Variants in TEX264 observed in about 807,000 individuals in gnomAD.
TEX264 encodes the protein testis-expressed protein 264.
Under a neutral mutation model 23.4 loss-of-function variants are expected in TEX264, and 13 were observed. The ratio of observed to expected loss-of-function variants is 0.56; its 90% CI spans 0.36 to 0.88. The LOEUF (loss-of-function observed/expected upper bound fraction) is 0.88. TEX264 is among the 40% of genes least tolerant of loss of function. TEX264 has a pLI of 0.01. For missense variants in TEX264, 340 were observed against 406.8 expected (o/e 0.84, Z 1.41); for synonymous variants, 159 against 170.0 (o/e 0.94, Z 0.50).
intron 4 of TEX264, among the ~76,000 whole-genome samples, chr3:51,700,205 G>A (rs1359369188): frequency 1.3e-5 from 2 of 152,134 alleles, no homozygotes; most frequent in Admixed American, 1.3e-4. Flanking sequence ...CTGTGACCCC[G>A]GGCTGTCTCA....
At chr3:51,680,586 A>G (rs1277117235) in intron 2 of TEX264, among the ~76,000 whole-genome samples, 1 of 152,174 alleles carries the variant, frequency 6.6e-6, no homozygotes, top group Non-Finnish European at 1.5e-5. Flanking sequence ...CACATCCTGG[A>G]TGGGCTTGTC....
At chr3:51,688,638 T>C (rs1702710727) in intron 3 of TEX264, among the ~76,000 whole-genome samples, 1 of 152,150 alleles carries the variant, frequency 6.6e-6, no homozygotes, top group African/African-American at 2.4e-5. Context: ...TACAGGGCAT[T>C]GTTCATGTAG....
In TEX264 at chr3:51,704,109, G is replaced by A; in HGVS notation, c.*93G>A. 8.3e-7 allele frequency: 1 copy of A among 1,206,056 alleles called. No homozygotes were observed. The highest frequency in any genetic ancestry group is 1.1e-6 in the Non-Finnish European group (1 of 937,460). The allele number at this position is 1,206,056 out of a possible 1,614,324, so 74.7% of individuals were successfully genotyped here. A position where few individuals can be genotyped will look rare whatever the true frequency, so the allele number is the denominator to read the frequency against. Reference sequence around the variant, plus strand: ...AGCCCTCTTCCTCCTTCCTCTGGGGGAGGAGGGGTTCCTGAGGGACCTGAC... The same window carrying A: ...AGCCCTCTTCCTCCTTCCTCTGGGGAAGGAGGGGTTCCTGAGGGACCTGAC... On this transcript the variant is annotated 3_prime_UTR_variant, in exon 5 of 5. Transcript: ENST00000341333.
chr3:51,697,187 T>C (rs989920551), intron 3 of TEX264, among the ~76,000 whole-genome samples: 4 of 152,200 alleles, frequency 2.6e-5, no homozygotes, highest in African/African-American at 9.6e-5. Context: ...AGGAAGCAGA[T>C]GCGCAGAACA....
intron 3 of TEX264, among the ~76,000 whole-genome samples, chr3:51,687,114 G>C (rs1454241701): frequency 6.6e-6 from 1 of 152,210 alleles, no homozygotes; most frequent in African/African-American, 2.4e-5. Context: ...CCAGTGATAT[G>C]GGGGAGAGCA....
intron 2 of TEX264, among the ~76,000 whole-genome samples, chr3:51,678,651 TC>T (rs748383308): frequency 2.0e-5 from 3 of 152,200 alleles, no homozygotes; most frequent in Admixed American, 6.5e-5. Context: ...AAGCCCCCTT[TC>T]CCTTAGTCCA....
chr3:51,699,188 G>T (rs1376063507), intron 3 of TEX264, among the ~76,000 whole-genome samples: 1 of 152,142 alleles, frequency 6.6e-6, no homozygotes. Flanking sequence ...TGTCGTCCTG[G>T]GTCTTCAGAC....
At chr3:51,699,623 TC>T (rs777843426) in intron 4 of TEX264, 49 bp downstream of exon 4, 1 of 1,597,182 alleles carries the variant, frequency 6.3e-7, no homozygotes, top group East Asian at 2.2e-5. Context: ...GCTCCTCTCT[TC>T]TGGACTCCAG....
chr3:51,685,652 A>C (rs1702597067), intron 3 of TEX264, among the ~76,000 whole-genome samples: 1 of 152,224 alleles, frequency 6.6e-6, no homozygotes, highest in African/African-American at 2.4e-5. Context: ...CAGTGTTCCA[A>C]CCAGGAAAAT....
At chr3:51,677,067 C>T (rs1194614689) in intron 2 of TEX264, among the ~76,000 whole-genome samples, 1 of 152,176 alleles carries the variant, frequency 6.6e-6, no homozygotes, top group African/African-American at 2.4e-5. Flanking sequence ...AACCATGGAC[C>T]CCCAGGCTTC....
chr3:51,674,699 T>C, intron 2 of TEX264, 137 bp downstream of exon 2: 1 of 1,018,162 alleles, frequency 9.8e-7, no homozygotes, highest in Non-Finnish European at 1.4e-6. Flanking sequence ...CTCTATGAGC[T>C]TGAAGCACCT....
chr3:51,703,846 C>CGCAGCGAGCACAGCT lies in TEX264; in HGVS notation c.773_787dup (p.Ser262_Tyr263insCysSerGluHisSer), dbSNP rs1559686703. 3.1e-6 allele frequency: 5 copies of CGCAGCGAGCACAGCT among 1,612,930 alleles called. No homozygotes were observed. The highest frequency in any genetic ancestry group is 4.2e-6 in the Non-Finnish European group (5 of 1,179,412). ...CCGTGGCTGGGATGACGGTGACACC[C>CGCAGCGAGCACAGCT]GCAGCGAGCACAGCTACAGCGAGTC... On this transcript the variant is annotated inframe_insertion, in exon 5 of 5. Coordinates refer to ENST00000341333, the MANE Select transcript of TEX264 (RefSeq NM_015926.6). The surrounding 1 kb of genome is among the most constrained non-coding windows in gnomAD (Gnocchi z 4.8).
Position 51,703,804 on chromosome 3 carries a change from T to C in TEX264, c.730T>C (p.Ser244Pro). ...CCGGGAGACTTCAGCTGCCACACTG[T>C]CACCTGGGGCGAGCAGCCGTGGCTG... is the stretch of plus-strand genomic sequence containing the variant. The part of the protein sequence containing the change: ...GSRETSAATL[S>P]PGASSRGWDD... The change falls in exon 5 of 5, where the codon TCA becomes CCA. Residue 244 changes from serine to proline, a missense_variant. By Grantham distance (74) the Ser-to-Pro change is moderately conservative. Transcript: ENST00000341333. The surrounding 1 kb of genome is among the most constrained non-coding windows in gnomAD (Gnocchi z 4.8). The C allele has an allele frequency of 6.2e-7, 1 of 1,610,418 alleles. No homozygotes were observed. Among genetic ancestry groups the C allele is most frequent in the Non-Finnish European group, 8.5e-7 (1 of 1,177,112 alleles).
intron 2 of TEX264, among the ~76,000 whole-genome samples, chr3:51,675,423 G>A (rs1403386535): frequency 6.6e-6 from 1 of 152,182 alleles, no homozygotes; most frequent in Non-Finnish European, 1.5e-5. Flanking sequence ...GAGCTCAAGT[G>A]CACAAGTCCT....
At chr3:51,694,256 G>A (rs79854958) in intron 3 of TEX264, among the ~76,000 whole-genome samples, 10,322 of 151,898 alleles carry the variant, frequency 0.068, 908 homozygotes, top group East Asian at 0.33. Context: ...TCAGCCTCCC[G>A]GGTAGCTGGG....
chr3:51,675,937 G>A, intron 2 of TEX264, among the ~76,000 whole-genome samples: 1 of 152,176 alleles, frequency 6.6e-6, no homozygotes, highest in East Asian at 1.9e-4. Flanking sequence ...GTTTTAGGAA[G>A]TTAGCTGAAG....
rs112973088 is a variant in TEX264, at chr3:51,699,051, T to A, written c.481-355T>A. 6.2e-3 allele frequency among the ~76,000 whole-genome samples: 946 copies of A among 152,080 alleles called. 7 individuals carry two copies. The highest frequency in any genetic ancestry group is 0.021 in the African/African-American group (891 of 41,486). ...GGCACATGGGGTCCCTATCCTGGGG[T>A]GGTCCAGGGGTGCCAAGCTTCATGG... On this transcript the variant is annotated intron_variant, in intron 3 of 4. Transcript: ENST00000341333.
At chr3:51,693,983 TTTCTTTCCTTCC>T (rs1282035268) in intron 3 of TEX264, among the ~76,000 whole-genome samples, 19 of 148,260 alleles carry the variant, frequency 1.3e-4, no homozygotes, top group Middle Eastern at 3.4e-3. Flanking sequence ...TTCTAATCCC[TTTCTTTCCTTCC>T]TTCCTTCCTT....
intron 2 of TEX264, among the ~76,000 whole-genome samples, chr3:51,677,453 C>T (rs1195050208): frequency 6.6e-6 from 1 of 152,182 alleles, no homozygotes; most frequent in Non-Finnish European, 1.5e-5. Flanking sequence ...GTGTCCCACC[C>T]CCACTGTGTC....
Sources: allele counts gnomAD v4.1 joint callset (sites outside exome capture counted in the v4.1 genomes callset), GRCh38; gene constraint gnomAD v4.1.1; non-coding constraint Gnocchi (gnomAD v3.1); transcripts MANE v1.5; gene names NCBI Gene and HGNC (gene_info 2026-07-23, HGNC 2026-07-21).